Variants in UTP20 observed in about 807,000 individuals in gnomAD.
The protein encoded by UTP20 is UTP20 small subunit processome component.
In UTP20, 164 loss-of-function variants were observed where a neutral mutation model predicts 329.5. That is an observed-to-expected ratio of 0.50 (90% CI 0.44 to 0.57). The LOEUF (loss-of-function observed/expected upper bound fraction) is 0.57. UTP20 is among the 20% of genes least tolerant of loss of function. UTP20 has a pLI of 0.00. For synonymous variants in UTP20, 1,151 were observed against 1,159.3 expected (o/e 0.99, Z 0.14); for missense variants, 3,055 against 3,284.2 (o/e 0.93, Z 1.71).
chr12:101,307,982 A>C (rs1188846129), intron 17 of UTP20, among the ~76,000 whole-genome samples: 1 of 152,222 alleles, frequency 6.6e-6, no homozygotes, highest in African/African-American at 2.4e-5. Context: ...TCATTTATGC[A>C]CTAGACACTA....
chr12:101,281,042 C>T, intron 1 of UTP20, 74 bp from the exon 2 acceptor site: 3 of 1,261,726 alleles, frequency 2.4e-6, no homozygotes, highest in Non-Finnish European at 3.3e-6. Flanking sequence ...TGCCTACATG[C>T]AGCATTCAAA....
intron 21 of UTP20, 88 bp from the exon 22 acceptor site, chr12:101,317,390 C>T (rs1231117074): frequency 3.6e-6 from 5 of 1,388,046 alleles, no homozygotes; most frequent in Non-Finnish European, 5.0e-6. Context: ...ATTCTGTGAA[C>T]TGTGGACATC....
intron 32 of UTP20, among the ~76,000 whole-genome samples, chr12:101,340,839 A>G (rs1027613636): frequency 6.6e-6 from 1 of 151,946 alleles, no homozygotes; most frequent in African/African-American, 2.4e-5. Context: ...ACAACAACAA[A>G]GTACTAGCCC....
intron 38 of UTP20, among the ~76,000 whole-genome samples, chr12:101,346,872 G>T (rs1017889668): frequency 2.9e-4 from 44 of 152,168 alleles, no homozygotes; most frequent in Non-Finnish European, 6.5e-4. Context: ...TTATTTTTGT[G>T]TCATAGGACT....
Position 101,285,858 on chromosome 12 carries a change from T to G in UTP20, c.303T>G (p.Ser101Arg). 6.2e-7 allele frequency: 1 copy of G among 1,613,790 alleles called. No homozygotes were observed. Among genetic ancestry groups the G allele is most frequent in the East Asian group, 2.2e-5 (1 of 44,826 alleles). ...SLKTHLQVKN[S>R]FAYQPLLDLV... is the part of the protein sequence containing the mutation. The stretch of plus-strand genomic sequence containing the variant: ...AGACTCACCTGCAAGTTAAGAACAG[T>G]TTTGCCTATCAACCCCTTTTGGAGT... The change falls in exon 4 of 62, where the codon AGT becomes AGG. Residue 101 changes from serine (S) to arginine (R), a missense_variant. Ser to Arg is a moderately radical substitution (Grantham distance 110). This residue lies in a region of UTP20 where 2,445 missense variants were observed against 2,575.5 expected (regional missense o/e 0.95). Transcript: ENST00000261637.
chr12:101,351,096 A>G (rs1162150396), intron 38 of UTP20, among the ~76,000 whole-genome samples: 2 of 150,924 alleles, frequency 1.3e-5, no homozygotes, highest in East Asian at 3.9e-4. Flanking sequence ...GCAGTGGTTG[A>G]TATCCAAGAT....
At chr12:101,281,243 T>G (rs1463067943) in intron 2 of UTP20, 47 bp downstream of exon 2, 10 of 1,508,800 alleles carry the variant, frequency 6.6e-6, no homozygotes, top group Non-Finnish European at 9.2e-6. Flanking sequence ...CATGGTGTTT[T>G]AGTTTCTTCT....
chr12:101,382,861 A>G (rs558392060), intron 58 of UTP20, among the ~76,000 whole-genome samples, 180 bp from the exon 59 acceptor site: 1 of 146,906 alleles, frequency 6.8e-6, no homozygotes, highest in South Asian at 2.1e-4. Flanking sequence ...TTAAAAAAAA[A>G]AAAAAAAGGA....
chr12:101,349,112 T>C (rs7313859), intron 38 of UTP20, among the ~76,000 whole-genome samples: 30,059 of 152,018 alleles, frequency 0.2, 6,453 homozygotes, highest in East Asian at 0.55. Flanking sequence ...CAATGAGAAG[T>C]TATTCTTAAC....
At chr12:101,303,679 G>A (rs1344058876) in intron 15 of UTP20, among the ~76,000 whole-genome samples, 1 of 152,184 alleles carries the variant, frequency 6.6e-6, no homozygotes, top group African/African-American at 2.4e-5. Context: ...TTAGGTCACC[G>A]TAGGGCCTTG....
intron 32 of UTP20, among the ~76,000 whole-genome samples, chr12:101,341,145 T>A (rs995389432): frequency 1.3e-5 from 2 of 151,822 alleles, no homozygotes; most frequent in Admixed American, 1.3e-4. Context: ...CCAGCTAGTT[T>A]TTTTGTATTT....
chr12:101,282,762 T>G (rs1871842946), intron 2 of UTP20, among the ~76,000 whole-genome samples: 1 of 152,232 alleles, frequency 6.6e-6, no homozygotes. Context: ...GCCTTTAACT[T>G]GGAGATCCAA....
chr12:101,349,105 T>G (rs995652511), intron 38 of UTP20, among the ~76,000 whole-genome samples: 1 of 152,190 alleles, frequency 6.6e-6, no homozygotes, highest in Non-Finnish European at 1.5e-5. Context: ...TTATTTCCAA[T>G]GAGAAGTTAT....
At chr12:101,321,229 T>G (rs531294051) in intron 24 of UTP20, among the ~76,000 whole-genome samples, 4 of 152,346 alleles carry the variant, frequency 2.6e-5, no homozygotes, top group Admixed American at 2.0e-4. Flanking sequence ...AGAATCAAAG[T>G]CACTCTAAGA....
In UTP20 at chr12:101,338,252, C is replaced by A; in HGVS notation, c.3843C>A (p.Tyr1281Ter). 6.2e-7 allele frequency: 1 copy of A among 1,614,064 alleles called. No individual in the cohort carries two copies. The highest frequency in any genetic ancestry group is 8.5e-7 in the Non-Finnish European group (1 of 1,179,996). The change falls in exon 30 of 62, where the codon TAC (tyrosine) becomes TAA (stop). Residue 1281 changes from tyrosine to a stop codon, truncating the protein, a stop_gained. Coordinates refer to ENST00000261637, the MANE Select transcript of UTP20 (RefSeq NM_014503.3). LOFTEE classifies it high-confidence loss of function. ...ACTTGCTGGTAACTGGATGTGTATA[C>A]CCTGGCATAGCAGAAAACATCGGTG... ...VLNLLVTGCV[Y>*]PGIAENIGES...
intron 56 of UTP20, among the ~76,000 whole-genome samples, chr12:101,376,110 CT>C (rs1438293519): frequency 6.6e-6 from 1 of 151,916 alleles, no homozygotes; most frequent in Non-Finnish European, 1.5e-5. Flanking sequence ...GATGTATGTA[CT>C]TGTGGTCTAT....
intron 58 of UTP20, among the ~76,000 whole-genome samples, chr12:101,382,137 ACT>A (rs1305965236): frequency 1.3e-4 from 20 of 151,652 alleles, no homozygotes; most frequent in African/African-American, 3.4e-4. Context: ...TGGTGTGGTG[ACT>A]CTCACCTGTA....
At position 101,317,502 on chromosome 12, in the gene UTP20, G is replaced by A; in HGVS notation, c.2577G>A (p.Leu859=). 2 of 1,614,124 alleles carry A rather than the reference G, an allele frequency of 1.2e-6. No homozygotes were observed. Among genetic ancestry groups the A allele is most frequent in the Non-Finnish European group, 1.7e-6 (2 of 1,180,000 alleles). ...GCAATGAGTATTACCCAGCAGATCT[G>A]CAAGTTGCTCCAACCCAGGATCTAC... ...FINNEYYPAD[L]QVAPTQDLRR... The change falls in exon 22 of 62, where the codon CTG becomes CTA. Residue 859 remains leucine, a synonymous_variant. Transcript: ENST00000261637.
intron 12 of UTP20, among the ~76,000 whole-genome samples, chr12:101,296,558 G>C (rs1474494199): frequency 7.5e-6 from 1 of 133,556 alleles, no homozygotes; most frequent in African/African-American, 3.0e-5. Flanking sequence ...ACGACAGAGC[G>C]AGACTTCATC....
Sources: allele counts gnomAD v4.1 joint callset (sites outside exome capture counted in the v4.1 genomes callset), GRCh38; gene constraint gnomAD v4.1.1; regional missense constraint gnomAD v4.1.1; transcripts MANE v1.5; gene names NCBI Gene and HGNC (gene_info 2026-07-23, HGNC 2026-07-21).